The following ANKRD18A variants were observed in gnomAD, a reference collection of about 807,000 sequenced individuals.
ANKRD18A encodes ankyrin repeat domain 18A.
A neutral mutation model predicts 110.6 loss-of-function variants in ANKRD18A; 72 were observed. The ratio of observed to expected loss-of-function variants is 0.65; its 90% confidence interval spans 0.54 to 0.79. The LOEUF (loss-of-function observed/expected upper bound fraction) is 0.79. Ranked by LOEUF, ANKRD18A falls within the 30% of genes least tolerant of loss-of-function variation. ANKRD18A has a pLI of 0.00. For synonymous variants in ANKRD18A, 305 were observed against 410.3 expected (o/e 0.74, Z 3.10); for missense variants, 934 against 1,163.3 (o/e 0.80, Z 2.87).
chr9:38,575,577 T>C lies in ANKRD18A; in HGVS notation c.2863A>G (p.Asn955Asp), dbSNP rs1823849486. The part of the protein sequence containing the change: ...EPELPCVENL[N>D]SIELNRKYIP... ...TATTTTCTGTTGAGTTCTATACTAT[T>C]AAGATTTTCAACACAAGGTAACTCT... The change falls in exon 15 of 16, where the codon AAT becomes GAT. Residue 955 changes from asparagine (N) to aspartate (D), a missense_variant. Asn to Asp is a conservative substitution (Grantham distance 23, BLOSUM62 1). This residue lies in a region of ANKRD18A where 223 missense variants were observed against 226.7 expected (regional missense o/e 0.98). Transcript: ENST00000399703. The C allele has an allele frequency of 6.4e-7, 1 of 1,551,594 alleles. No homozygotes were observed. Among genetic ancestry groups the C allele is most frequent in the Non-Finnish European group, 8.7e-7 (1 of 1,146,838 alleles).
intron 12 of ANKRD18A, among the ~76,000 whole-genome samples, chr9:38,581,439 G>A (rs1346478478): frequency 1.3e-5 from 2 of 151,840 alleles, no homozygotes; most frequent in African/African-American, 4.8e-5. Context: ...AAAAACAACT[G>A]GAAATACTTG....
chr9:38,602,728 T>G (rs528220230), intron 7 of ANKRD18A, among the ~76,000 whole-genome samples: 29 of 152,234 alleles, frequency 1.9e-4, no homozygotes, highest in Non-Finnish European at 3.7e-4. Context: ...TACAGTATAA[T>G]GTTGCTATCA....
chr9:38,597,409 A>G lies in ANKRD18A; in HGVS notation c.937-1006T>C, dbSNP rs148832697. 5.6e-3 allele frequency among the ~76,000 whole-genome samples: 846 copies of G among 152,254 alleles called. 7 individuals are homozygous for G. Among genetic ancestry groups the G allele is most frequent in the African/African-American group, 0.019 (791 of 41,558 alleles). ...CTGAGTTTCTAGTGTGGAATCCTGG[A>G]AAATGAGATGTTCCTCAAATTTACA... is the stretch of plus-strand genomic sequence containing the variant. On this transcript the variant is annotated intron_variant, in intron 8 of 15. Coordinates refer to ENST00000399703, the MANE Select transcript of ANKRD18A (RefSeq NM_147195.4).
intron 12 of ANKRD18A, among the ~76,000 whole-genome samples, chr9:38,580,453 AGGAGAGG>A (rs1229093543): frequency 5.9e-5 from 9 of 152,350 alleles, no homozygotes. Flanking sequence ...TCATAGAAGT[AGGAGAGG>A]GGAGTCTGGT....
chr9:38,612,270 C>G (rs1421427914), intron 3 of ANKRD18A, among the ~76,000 whole-genome samples: 1 of 152,148 alleles, frequency 6.6e-6, no homozygotes, highest in Non-Finnish European at 1.5e-5. Context: ...TATTAAAAAG[C>G]AAAGCTCAGT....
At chr9:38,620,016 T>A (rs1826016213) in intron 1 of ANKRD18A, 64 bp downstream of exon 1, 25 of 1,533,638 alleles carry the variant, frequency 1.6e-5, no homozygotes, top group Non-Finnish European at 2.1e-5. Flanking sequence ...CCCCAGGGGC[T>A]GCCGGGCTGC....
intron 6 of ANKRD18A, among the ~76,000 whole-genome samples, chr9:38,606,085 C>A (rs923281777): frequency 1.1e-4 from 16 of 152,162 alleles, no homozygotes; most frequent in African/African-American, 3.9e-4. Context: ...ACTTCTGCTT[C>A]TTGGAAAGGA....
chr9:38,580,484 A>G (rs10973921), intron 12 of ANKRD18A, among the ~76,000 whole-genome samples: 25,413 of 152,212 alleles, frequency 0.17, 2,903 homozygotes, highest in East Asian at 0.45. Context: ...TGGATACAGA[A>G]TTACAGTTAG....
At chr9:38,613,534 C>G (rs1825731008) in intron 3 of ANKRD18A, among the ~76,000 whole-genome samples, 1 of 151,738 alleles carries the variant, frequency 6.6e-6, no homozygotes, top group Non-Finnish European at 1.5e-5. Flanking sequence ...TCATAATACC[C>G]ACCTCAAGAA....
In ANKRD18A at chr9:38,601,069, G is replaced by GT; in HGVS notation, c.936+61dup. The GT allele has an allele frequency of 4.1e-6, 6 of 1,456,452 alleles. No homozygotes were observed. The South Asian group carries it at 6.3e-5, about 15-fold the overall frequency. 90.2% of individuals were successfully genotyped at this position (1,456,452 alleles called of 1,614,324 possible). A position where few individuals can be genotyped will look rare whatever the true frequency, so the allele number is the denominator to read the frequency against. On this transcript the variant is annotated intron_variant, in intron 8 of 15. Coordinates refer to ENST00000399703, the MANE Select transcript of ANKRD18A (RefSeq NM_147195.4). ...GGTCACTTCATTTGGCCTATGCTAT[G>GT]TTATTAAAGAAAAACAAACAAACAA...
In ANKRD18A at chr9:38,577,862, C is replaced by A; in HGVS notation, c.2529+5G>T. The A allele has an allele frequency of 1.3e-6, 2 of 1,579,564 alleles. No homozygotes were observed. The highest frequency in any genetic ancestry group is 1.7e-6 in the Non-Finnish European group (2 of 1,168,054). ...AGATAAACTTACCTGATTTTAAAAA[C>A]TAACCTGTAAATGGATTTCTTCTAA... On this transcript the variant is annotated splice_donor_5th_base_variant and intron_variant, in intron 13 of 15. Coordinates refer to ENST00000399703, the MANE Select transcript of ANKRD18A (RefSeq NM_147195.4).
At chr9:38,603,775 C>T (rs1165193417) in intron 6 of ANKRD18A, among the ~76,000 whole-genome samples, 1 of 152,190 alleles carries the variant, frequency 6.6e-6, no homozygotes, top group Admixed American at 6.5e-5. Context: ...GCCTCCCCTG[C>T]TTACAATTTT....
At chr9:38,566,366 G>A (rs1025910515), downstream of ANKRD18A, 1 of 152,172 alleles carries the variant, frequency 6.6e-6, no homozygotes. Context: ...CAGGCATTGT[G>A]TAAGCTTTCC....
intron 10 of ANKRD18A, among the ~76,000 whole-genome samples, chr9:38,593,529 T>TC (rs1824744986): frequency 6.6e-6 from 1 of 152,224 alleles, no homozygotes; most frequent in East Asian, 1.9e-4. Context: ...TGTATTATTC[T>TC]CAACTTTCCC....
intron 4 of ANKRD18A, 69 bp from the exon 5 acceptor site, chr9:38,610,479 A>G: frequency 1.3e-6 from 2 of 1,484,328 alleles, no homozygotes; most frequent in Admixed American, 2.5e-5. Flanking sequence ...AATTGGATAC[A>G]CTTTACCAAT....
At chr9:38,610,444 C>T in intron 4 of ANKRD18A, 34 bp from the exon 5 acceptor site, 1 of 1,520,368 alleles carries the variant, frequency 6.6e-7, no homozygotes, top group Non-Finnish European at 8.8e-7. Flanking sequence ...CACTCAAGAA[C>T]TTTGATGAAG....
At chr9:38,597,301 TC>T (rs1027608484) in intron 8 of ANKRD18A, among the ~76,000 whole-genome samples, 3 of 152,146 alleles carry the variant, frequency 2.0e-5, no homozygotes, top group African/African-American at 7.2e-5. Flanking sequence ...TTCATTTGGT[TC>T]CTGGGATATC....
chr9:38,613,837 T>C (rs1053527774), intron 3 of ANKRD18A, among the ~76,000 whole-genome samples: 2 of 152,242 alleles, frequency 1.3e-5, no homozygotes, highest in Non-Finnish European at 2.9e-5. Context: ...AATGAACATT[T>C]GCTGACACAT....
Position 38,603,026 on chromosome 9 carries a change from G to A in ANKRD18A, c.862+133C>T, listed in dbSNP as rs146181235. 4.3e-3 allele frequency: 5,624 copies of A among 1,308,400 alleles called. 23 individuals are homozygous for A. The highest frequency in any genetic ancestry group is 8.1e-3 in the South Asian group (508 of 62,414). 81.0% of individuals were successfully genotyped at this position (1,308,400 alleles called of 1,614,324 possible). On this transcript the variant is annotated intron_variant, in intron 7 of 15. Coordinates refer to ENST00000399703, the MANE Select transcript of ANKRD18A (RefSeq NM_147195.4). ...CATCATTTTATTTTATCATGGATGG[G>A]TGAAAACCTTGTAATAGACTGATGT...
Sources: gnomAD v4.1 joint callset for allele counts (sites outside exome capture counted in the v4.1 genomes callset) on GRCh38, gnomAD v4.1.1 for gene constraint, gnomAD v4.1.1 regional missense constraint, MANE v1.5 for transcripts, NCBI Gene and HGNC (gene_info 2026-07-23, HGNC 2026-07-21) for gene names.